The following PREX1 variants were observed in gnomAD, a reference collection of about 807,000 sequenced individuals.
PREX1 encodes phosphatidylinositol 3,4,5-trisphosphate-dependent Rac exchanger 1 protein.
In PREX1, 41 loss-of-function variants were observed where a neutral mutation model predicts 198.3. The observed-to-expected ratio is 0.21, with a 90% CI of 0.16 to 0.27. The LOEUF (loss-of-function observed/expected upper bound fraction) is 0.27, where lower values mean the gene tolerates loss of function less well. PREX1 is among the 10% of genes least tolerant of loss of function. The probability of loss-of-function intolerance (pLI) is 1.00; values close to 1 mark genes in which losing one functional copy is unlikely to be tolerated. For synonymous variants in PREX1, 843 were observed against 887.2 expected (o/e 0.95, Z 0.89); for missense variants, 1,620 against 2,200.7 (o/e 0.74, Z 5.28).
chr20:48,653,730 G>C (rs1302163001), intron 19 of PREX1, among the ~76,000 whole-genome samples: 1 of 152,214 alleles, frequency 6.6e-6, no homozygotes, highest in African/African-American at 2.4e-5. Flanking sequence ...AGGTCACGCA[G>C]CAAGGCAAAC....
chr20:48,774,441 A>G (rs2090251483), intron 1 of PREX1, among the ~76,000 whole-genome samples: 1 of 152,220 alleles, frequency 6.6e-6, no homozygotes, highest in South Asian at 2.1e-4. Context: ...CCGAGAATGA[A>G]GGAAGTGTGG....
At chr20:48,637,855 G>C (rs1427113003) in intron 30 of PREX1, 103 bp from the exon 31 acceptor site, 12 of 1,013,432 alleles carry the variant, frequency 1.2e-5, no homozygotes, top group Non-Finnish European at 1.8e-5. Flanking sequence ...AAGGTGCTCT[G>C]ACCCTTCACA....
chr20:48,748,061 C>T (rs1421576949), intron 1 of PREX1, among the ~76,000 whole-genome samples, 181 bp from the exon 2 acceptor site: 1 of 152,150 alleles, frequency 6.6e-6, no homozygotes, highest in East Asian at 1.9e-4. Context: ...ACTGGAGCAG[C>T]CCTCACTCCC....
intron 6 of PREX1, among the ~76,000 whole-genome samples, chr20:48,704,528 T>TTTCCTTCCCTCCTTTCC (rs2089892846): frequency 6.6e-6 from 1 of 150,946 alleles, no homozygotes; most frequent in Non-Finnish European, 1.5e-5. Context: ...CCTTCCTTCC[T>TTTCCTTCCCTCCTTTCC]TTCCTTCCTT....
chr20:48,852,065 A>C, the PREX1 span, among the ~76,000 whole-genome samples: 1 of 151,742 alleles, frequency 6.6e-6, no homozygotes, highest in East Asian at 1.9e-4. Context: ...TTTTTAACTT[A>C]GATGTCAATG....
chr20:48,632,212 G>A, intron 35 of PREX1, 65 bp downstream of exon 35: 2 of 1,499,014 alleles, frequency 1.3e-6, no homozygotes, highest in African/African-American at 1.4e-5. Flanking sequence ...CACCTTCCAT[G>A]CTAATGCCCA....
At chr20:48,719,548 T>C (rs891902822) in intron 5 of PREX1, among the ~76,000 whole-genome samples, 4 of 152,080 alleles carry the variant, frequency 2.6e-5, no homozygotes, top group African/African-American at 9.7e-5. Context: ...ACGGTGACAA[T>C]GCCCGATCCC....
chr20:48,651,318 CCTT>C (rs2122898240), intron 22 of PREX1, 75 bp downstream of exon 22: 5 of 1,512,436 alleles, frequency 3.3e-6, no homozygotes, highest in Admixed American at 2.1e-5. Flanking sequence ...CCACCCAACT[CCTT>C]CTCCCAACCT....
At chr20:48,658,520 T>C (rs2089563198) in intron 16 of PREX1, among the ~76,000 whole-genome samples, 1 of 152,094 alleles carries the variant, frequency 6.6e-6, no homozygotes, top group Non-Finnish European at 1.5e-5. Context: ...ATGGCAGGCA[T>C]GCTAGAAACA....
chr20:48,872,015 C>T, the PREX1 span, among the ~76,000 whole-genome samples: 1 of 151,840 alleles, frequency 6.6e-6, no homozygotes, highest in Admixed American at 6.6e-5. Flanking sequence ...AAAAACTAGC[C>T]GGGCGTGGTG....
chr20:48,701,778 C>T (rs1317383386), intron 6 of PREX1, among the ~76,000 whole-genome samples: 1 of 152,144 alleles, frequency 6.6e-6, no homozygotes, highest in African/African-American at 2.4e-5. Context: ...CACGTCAATC[C>T]CAAACCTGGT....
At chr20:48,629,753 T>G in intron 36 of PREX1, 132 bp from the exon 37 acceptor site, 1 of 959,174 alleles carries the variant, frequency 1.0e-6, no homozygotes, top group Non-Finnish European at 1.6e-6. Context: ...AGCTCACCCC[T>G]CTGGGGATAA....
chr20:48,862,207 T>G, the PREX1 span, among the ~76,000 whole-genome samples: 1 of 151,742 alleles, frequency 6.6e-6, no homozygotes, highest in African/African-American at 2.4e-5. Context: ...AGACTCTGTC[T>G]CAACAAAAGA....
chr20:48,793,574 A>G (rs1030873595), intron 1 of PREX1, among the ~76,000 whole-genome samples: 3 of 152,204 alleles, frequency 2.0e-5, no homozygotes, highest in Admixed American at 6.5e-5. Context: ...AAGTAGAGAG[A>G]CAAAGTTAGG....
chr20:48,880,981 T>TAAAAAGAAAAAAAA, the PREX1 span, among the ~76,000 whole-genome samples: 1 of 20,968 alleles, frequency 4.8e-5, no homozygotes, highest in Non-Finnish European at 7.6e-5. Flanking sequence ...AAACCATTGC[T>TAAAAAGAAAAAAAA]AAAAAAAAAA....
chr20:48,688,318 A>G (rs2089797130), intron 10 of PREX1, among the ~76,000 whole-genome samples: 1 of 152,210 alleles, frequency 6.6e-6, no homozygotes, highest in African/African-American at 2.4e-5. Flanking sequence ...CAACTTGAAT[A>G]GAATAGAAAG....
intron 30 of PREX1, among the ~76,000 whole-genome samples, chr20:48,639,546 AG>A (rs896550880): frequency 6.6e-6 from 1 of 152,124 alleles, no homozygotes; most frequent in Non-Finnish European, 1.5e-5. Context: ...TGATAGAGAC[AG>A]GGTCTCACTA....
chr20:48,708,623 T>C (rs2089914649), intron 5 of PREX1, among the ~76,000 whole-genome samples: 1 of 151,878 alleles, frequency 6.6e-6, no homozygotes, highest in African/African-American at 2.4e-5. Flanking sequence ...GAAAGACAAA[T>C]CAGAATGAGG....
At chr20:48,800,445 GATA>G (rs1045400391) in intron 1 of PREX1, among the ~76,000 whole-genome samples, 62 of 152,192 alleles carry the variant, frequency 4.1e-4, no homozygotes, top group African/African-American at 1.4e-3. Flanking sequence ...TGAGAATAAA[GATA>G]ATAATAGTAA....
Sources: gnomAD v4.1 joint callset for allele counts (sites outside exome capture counted in the v4.1 genomes callset) on GRCh38, gnomAD v4.1.1 for gene constraint, MANE v1.5 for transcripts, NCBI Gene and HGNC (gene_info 2026-07-23, HGNC 2026-07-21) for gene names.